The following PDE1C variants were observed in gnomAD, a reference collection of about 807,000 sequenced individuals.
The protein encoded by PDE1C is phosphodiesterase 1C, also known as dual specificity calcium/calmodulin-dependent 3',5'-cyclic nucleotide phosphodiesterase 1C.
PDE1C carries 62 observed loss-of-function variants against 93.1 expected under a neutral mutation model. The ratio of observed to expected loss-of-function variants is 0.67; its 90% CI spans 0.54 to 0.82. PDE1C has a LOEUF of 0.82. Among genes scored for constraint, PDE1C ranks in the 40% least tolerant of loss-of-function variants. The pLI, the probability that PDE1C is intolerant of heterozygous loss-of-function variation, is 0.00. For missense variants in PDE1C, 742 were observed against 884.6 expected (o/e 0.84, Z 2.04); for synonymous variants, 325 against 310.1 (o/e 1.05, Z -0.50).
At chr7:32,240,354 G>C (rs1350646553) in intron 1 of PDE1C, among the ~76,000 whole-genome samples, 5 of 152,158 alleles carry the variant, frequency 3.3e-5, no homozygotes, top group Admixed American at 3.3e-4. Flanking sequence ...ACTCTTCCAT[G>C]TGCTAGGGAT....
chr7:31,706,073 C>T, the PDE1C span, among the ~76,000 whole-genome samples: 3 of 126,150 alleles, frequency 2.4e-5, no homozygotes, highest in Admixed American at 1.1e-4. Context: ...GGTGTAATCT[C>T]GGCTTGCTGC....
chr7:32,272,594 T>C (rs1046938959), intron 1 of PDE1C, among the ~76,000 whole-genome samples: 2 of 152,228 alleles, frequency 1.3e-5, no homozygotes, highest in Non-Finnish European at 2.9e-5. Context: ...CCCGTGTCAC[T>C]CTTGGCTATC....
At chr7:31,704,855 G>A in the PDE1C span, among the ~76,000 whole-genome samples, 1 of 152,084 alleles carries the variant, frequency 6.6e-6, no homozygotes, top group Non-Finnish European at 1.5e-5. Context: ...TCCCCTGAAA[G>A]CATGAGGGTC....
At chr7:32,361,866 TA>T (rs1221081514) in intron 1 of PDE1C, among the ~76,000 whole-genome samples, 1 of 152,178 alleles carries the variant, frequency 6.6e-6, no homozygotes, top group Non-Finnish European at 1.5e-5. Flanking sequence ...GATAAAAAAG[TA>T]AATGTGTCTG....
chr7:32,283,269 A>G (rs1253291605), intron 1 of PDE1C, among the ~76,000 whole-genome samples: 1 of 152,234 alleles, frequency 6.6e-6, no homozygotes, highest in African/African-American at 2.4e-5. Context: ...TGGGAAAAAT[A>G]AACTACAATA....
chr7:31,842,073 C>CCTCACAGAA (rs1199253941), intron 9 of PDE1C, among the ~76,000 whole-genome samples: 3 of 152,062 alleles, frequency 2.0e-5, no homozygotes, highest in Non-Finnish European at 4.4e-5. Flanking sequence ...CCAAAAACAC[C>CCTCACAGAA]CTCACAGAAA....
intron 2 of PDE1C, among the ~76,000 whole-genome samples, chr7:32,044,268 T>C (rs1792225014): frequency 6.6e-6 from 1 of 151,914 alleles, no homozygotes. Context: ...TTTAGAGTAC[T>C]GGAAAGAATA....
chr7:31,688,107 CAAG>C, the PDE1C span, among the ~76,000 whole-genome samples: 1 of 152,086 alleles, frequency 6.6e-6, no homozygotes, highest in Non-Finnish European at 1.5e-5. Context: ...CTGAAAGATC[CAAG>C]AAGGTCCCTC....
the PDE1C span, among the ~76,000 whole-genome samples, chr7:31,694,530 A>G: frequency 6.6e-6 from 1 of 152,184 alleles, no homozygotes; most frequent in Non-Finnish European, 1.5e-5. Flanking sequence ...TTGAACTCAG[A>G]TCAGCTTGAC....
At chr7:32,017,770 A>C (rs78248491) in intron 2 of PDE1C, among the ~76,000 whole-genome samples, 1,885 of 152,228 alleles carry the variant, frequency 0.012, 53 homozygotes, top group African/African-American at 0.043. Context: ...TTACCCCTGA[A>C]GGAAATACAA....
intron 1 of PDE1C, among the ~76,000 whole-genome samples, chr7:32,057,598 C>T (rs751068483): frequency 6.6e-6 from 1 of 152,210 alleles, no homozygotes; most frequent in African/African-American, 2.4e-5. Flanking sequence ...GTGGAAGCTT[C>T]TAGACCCTGA....
At chr7:31,709,620 C>T in the PDE1C span, among the ~76,000 whole-genome samples, 1 of 151,964 alleles carries the variant, frequency 6.6e-6, no homozygotes, top group East Asian at 1.9e-4. Context: ...TAATAGAGTC[C>T]CAATCTTAAA....
At chr7:31,978,840 C>T (rs1247619922) in intron 2 of PDE1C, among the ~76,000 whole-genome samples, 1 of 152,116 alleles carries the variant, frequency 6.6e-6, no homozygotes, top group Non-Finnish European at 1.5e-5. Context: ...GTGGGGGGAG[C>T]CAATGGTCTC....
At chr7:32,096,288 C>T (rs976758116) in intron 3 of PDE1C, among the ~76,000 whole-genome samples, 7 of 152,110 alleles carry the variant, frequency 4.6e-5, no homozygotes, top group Non-Finnish European at 8.8e-5. Context: ...CAACCAAAGC[C>T]GGGGAGAGGA....
chr7:32,302,453 G>T (rs1010029007), upstream of PDE1C, among the ~76,000 whole-genome samples: 7 of 152,196 alleles, frequency 4.6e-5, no homozygotes, highest in Non-Finnish European at 1.0e-4. Context: ...AGTAGAGGAG[G>T]AGCTGAACTC....
intron 8 of PDE1C, among the ~76,000 whole-genome samples, chr7:31,848,491 T>C (rs1792908158): frequency 6.6e-6 from 1 of 152,172 alleles, no homozygotes; most frequent in Non-Finnish European, 1.5e-5. Flanking sequence ...TTATTTATTT[T>C]AGTTGTAATT....
intron 2 of PDE1C, among the ~76,000 whole-genome samples, chr7:32,205,223 C>T (rs1374401085): frequency 6.6e-6 from 1 of 152,210 alleles, no homozygotes; most frequent in African/African-American, 2.4e-5. Flanking sequence ...TCACATAGTC[C>T]ATGACCAGCA....
rs138848486 is a variant in PDE1C, at chr7:31,929,395, C to G, written c.129-48535G>C. Among the ~76,000 whole-genome samples, 495 of 152,268 alleles carry G rather than the reference C, an allele frequency of 3.3e-3. 2 individuals are homozygous for G. The highest frequency in any genetic ancestry group is 0.011 in the African/African-American group (462 of 41,540). On this transcript the variant is annotated intron_variant, in intron 2 of 17. Coordinates refer to ENST00000396191, the MANE Select transcript of PDE1C (RefSeq NM_001191057.4). ...ACAGATCGATGAGACAGAAAATTAA[C>G]AAGGATATTCAGGACTTGAACTCAG...
chr7:32,249,755 C>CAA (rs1216806120), intron 1 of PDE1C, among the ~76,000 whole-genome samples: 1 of 152,064 alleles, frequency 6.6e-6, no homozygotes, highest in Non-Finnish European at 1.5e-5. Context: ...AATTAAGGCA[C>CAA]AAAAATAAGT....
Sources: gnomAD v4.1 joint callset for allele counts (sites outside exome capture counted in the v4.1 genomes callset) on GRCh38, gnomAD v4.1.1 for gene constraint, MANE v1.5 for transcripts, NCBI Gene and HGNC (gene_info 2026-07-23, HGNC 2026-07-21) for gene names.